SCN8A: variants seen among roughly 807,000 people sequenced by gnomAD.
The protein encoded by SCN8A is sodium channel protein type 8 subunit alpha.
A neutral mutation model predicts 184.1 loss-of-function variants in SCN8A; 30 were observed. The ratio of observed to expected loss-of-function variants is 0.16; its 90% CI spans 0.12 to 0.22. The LOEUF (loss-of-function observed/expected upper bound fraction) is 0.22, where lower values mean the gene tolerates loss of function less well. Among genes scored for constraint, SCN8A ranks in the 10% least tolerant of loss-of-function variants. The probability of loss-of-function intolerance (pLI) is 1.00; values close to 1 mark genes in which losing one functional copy is unlikely to be tolerated. For synonymous variants in SCN8A, 852 were observed against 907.0 expected, an observed-to-expected ratio of 0.94 and a Z score of 1.09; for missense variants, 1,057 against 2,498.9, an observed-to-expected ratio of 0.42 and a Z score of 12.30.
chr12:51,790,374 C>T (rs1356391552), intron 24 of SCN8A, 24 bp from the exon 25 acceptor site: 2 of 1,549,062 alleles, frequency 1.3e-6, no homozygotes, highest in South Asian at 2.3e-5. Flanking sequence ...TTGTAATTGT[C>T]TGTTTTCTTC....
Position 51,662,891 on chromosome 12 carries a change from T to C in SCN8A, c.74T>C (p.Ile25Thr), listed in dbSNP as rs779565282. 5.6e-6 allele frequency: 9 copies of C among 1,613,954 alleles called. No individual in the cohort carries two copies. The South Asian group carries it at 9.9e-5, about 18-fold the overall frequency. Residue 25 changes from isoleucine to threonine, a missense_variant, in exon 2 of 27, where the codon ATT (isoleucine) becomes ACT (threonine). Physicochemically the swap from Ile to Thr is moderately conservative, Grantham distance 89. Coordinates refer to ENST00000627620, the MANE Select transcript of SCN8A (RefSeq NM_001330260.2). ...TTCACCCCTGAGTCACTGGCAAACA[T>C]TGAGAGGCGCATTGCTGAGAGCAAG... ...KPFTPESLAN[I>T]ERRIAESKLK...
intron 2 of SCN8A, among the ~76,000 whole-genome samples, chr12:51,665,481 A>G (rs892600435): frequency 4.6e-5 from 7 of 152,266 alleles, no homozygotes; most frequent in African/African-American, 1.7e-4. Flanking sequence ...AATACATAGC[A>G]TAATGATTAC....
chr12:51,594,650 T>G lies in SCN8A; in HGVS notation c.-55+3291T>G, dbSNP rs1939304424. On this transcript the variant is annotated intron_variant, in intron 1 of 26. Transcript: ENST00000627620. ...CCAGAGTGAGATCAGTTACCATAAT[T>G]ATAAAAATACATACTTATTGCAGAA... is the stretch of plus-strand genomic sequence containing the variant. 2.0e-5 allele frequency among the ~76,000 whole-genome samples: 3 copies of G among 152,292 alleles called. No individual in the cohort carries two copies. In the South Asian group the frequency reaches 6.2e-4, roughly 32 times the overall value.
intron 21 of SCN8A, among the ~76,000 whole-genome samples, chr12:51,782,151 C>T (rs1240188717): frequency 6.6e-6 from 1 of 152,240 alleles, no homozygotes; most frequent in Non-Finnish European, 1.5e-5. Context: ...CTGAAACCAT[C>T]TGCAGGAAGG....
chr12:51,608,021 C>CTTTTTTTTTTTTTTTTTT (rs749172465), intron 1 of SCN8A, among the ~76,000 whole-genome samples: 1 of 133,478 alleles, frequency 7.5e-6, no homozygotes, highest in Non-Finnish European at 1.6e-5. Flanking sequence ...TTTCTTTTTC[C>CTTTTTTTTTTTTTTTTTT]TTTTTTTTTT....
rs372757840 is a variant in SCN8A, at chr12:51,678,043, G to A, written c.277-6131G>A. Among the ~76,000 whole-genome samples the A allele has an allele frequency of 3.5e-4, 53 of 152,352 alleles. No individual in the cohort carries two copies. The South Asian group carries it at 0.01, about 30-fold the overall frequency. ...TTGAAGGATCTGGCGTTAGAGCGTA[G>A]TGTTGAACGAGAGAGGACAAATGTC... On this transcript the variant is annotated intron_variant, in intron 2 of 26. Coordinates refer to ENST00000627620, the MANE Select transcript of SCN8A (RefSeq NM_001330260.2).
intron 1 of SCN8A, among the ~76,000 whole-genome samples, chr12:51,623,789 G>A (rs1445849011): frequency 6.6e-6 from 1 of 151,512 alleles, no homozygotes; most frequent in African/African-American, 2.4e-5. Flanking sequence ...AACAGGCCCC[G>A]GTGTGTGATG....
intron 1 of SCN8A, among the ~76,000 whole-genome samples, chr12:51,631,484 CTT>C (rs1463667467): frequency 6.6e-6 from 1 of 152,220 alleles, no homozygotes; most frequent in Admixed American, 6.5e-5. Flanking sequence ...TGTCTGTGCT[CTT>C]GTCTCTGCGT....
chr12:51,737,189 C>T (rs796861319), intron 12 of SCN8A, among the ~76,000 whole-genome samples: 5 of 152,082 alleles, frequency 3.3e-5, no homozygotes, highest in Non-Finnish European at 5.9e-5. Context: ...TTTAACAATC[C>T]GAGTTTTCCC....
chr12:51,693,577 G>A (rs762856486), intron 6 of SCN8A, among the ~76,000 whole-genome samples: 9 of 152,174 alleles, frequency 5.9e-5, no homozygotes, highest in Admixed American at 2.0e-4. Context: ...TCGAGGCTGC[G>A]TTGAGCTGTG....
At chr12:51,651,054 T>C (rs1224128093) in intron 1 of SCN8A, among the ~76,000 whole-genome samples, 1 of 152,254 alleles carries the variant, frequency 6.6e-6, no homozygotes, top group Non-Finnish European at 1.5e-5. Context: ...AGGCACAGAT[T>C]GCTCATGCTA....
chr12:51,799,030 A>G (rs1938486378), intron 26 of SCN8A, among the ~76,000 whole-genome samples: 1 of 152,190 alleles, frequency 6.6e-6, no homozygotes, highest in Non-Finnish European at 1.5e-5. Context: ...GGGATGTCCT[A>G]GAAAGGGGCT....
chr12:51,800,376 T>C (rs1938522868), intron 26 of SCN8A, among the ~76,000 whole-genome samples: 1 of 152,226 alleles, frequency 6.6e-6, no homozygotes, highest in African/African-American at 2.4e-5. Flanking sequence ...ACAGGCCAAA[T>C]AGGAAAGTTG....
In SCN8A at chr12:51,706,605, A is replaced by G; in HGVS notation, c.1525A>G (p.Lys509Glu). 6.2e-7 allele frequency: 1 copy of G among 1,609,284 alleles called. No individual in the cohort carries two copies. The highest frequency in any genetic ancestry group is 8.5e-7 in the Non-Finnish European group (1 of 1,177,568). The change falls in exon 11 of 27, where the codon AAA becomes GAA. Residue 509 changes from lysine to glutamate, a missense_variant. By Grantham distance (56) the Lys-to-Glu change is moderately conservative (BLOSUM62 1). Transcript: ENST00000627620. Reference protein sequence around the residue: ...KQKELSEGEEKGDPEKVFKSE... With the variant: ...KQKELSEGEEEGDPEKVFKSE... Reference sequence around the variant, plus strand: ...AAAGGAACTCTCTGAAGGAGAGGAGAAAGGGGATCCCGAGAAGGTGTTTAA... The same window carrying G: ...AAAGGAACTCTCTGAAGGAGAGGAGGAAGGGGATCCCGAGAAGGTGTTTAA...
chr12:51,726,988 A>G lies in SCN8A; in HGVS notation c.1998+5080A>G, dbSNP rs1010345675. On this transcript the variant is annotated intron_variant, in intron 12 of 26. Transcript: ENST00000627620. ...ATAAGTTTTAATTCCAAGAAAGGTGACTGGCTAATAAACGTCCAGTTATGT... is the reference window on the plus strand; with the variant it reads ...ATAAGTTTTAATTCCAAGAAAGGTGGCTGGCTAATAAACGTCCAGTTATGT... 2.0e-5 allele frequency among the ~76,000 whole-genome samples: 3 copies of G among 152,256 alleles called. 1 individual carries two copies. The East Asian group carries it at 5.8e-4, about 29-fold the overall frequency.
intron 3 of SCN8A, 85 bp downstream of exon 3, chr12:51,684,377 TGTTAA>T: frequency 1.3e-6 from 1 of 749,304 alleles, no homozygotes; most frequent in African/African-American, 1.7e-5. Context: ...CTGGATTATA[TGTTAA>T]GTTTTTTACT....
At position 51,684,257 on chromosome 12, in the gene SCN8A, G is replaced by C. The variant is rs368307928; in HGVS notation, c.360G>C (p.Leu120=). The change falls in exon 3 of 27, where the codon CTG becomes CTC. Residue 120 remains leucine, a synonymous_variant. Coordinates refer to ENST00000627620, the MANE Select transcript of SCN8A (RefSeq NM_001330260.2). ...PALYILSPFN[L]IRRIAIKILI... is the part of the protein sequence containing the mutation. ...TGTACATTTTAAGTCCTTTTAACCT[G>C]ATAAGAAGAATAGCTATTAAAATTT... 113 of 1,601,124 alleles carry C rather than the reference G, an allele frequency of 7.1e-5. No homozygotes were observed. Among genetic ancestry groups the C allele is most frequent in the Non-Finnish European group, 9.3e-5 (109 of 1,168,366 alleles).
At chr12:51,684,382 A>G (rs1230361605) in intron 3 of SCN8A, 90 bp downstream of exon 3, 2 of 731,952 alleles carry the variant, frequency 2.7e-6, no homozygotes, top group Admixed American at 2.0e-5. Flanking sequence ...TTATATGTTA[A>G]GTTTTTTACT....
chr12:51,711,713 C>CTTTT, intron 11 of SCN8A, among the ~76,000 whole-genome samples: 1 of 144,088 alleles, frequency 6.9e-6, no homozygotes, highest in Non-Finnish European at 1.5e-5. Flanking sequence ...CTTCTGAGTT[C>CTTTT]TTTTTTTTTT....
Sources: gnomAD v4.1 joint callset for allele counts (sites outside exome capture counted in the v4.1 genomes callset) on GRCh38, gnomAD v4.1.1 for gene constraint, MANE v1.5 for transcripts, NCBI Gene and HGNC (gene_info 2026-07-23, HGNC 2026-07-21) for gene names.